Variants in HEG1 observed in about 807,000 individuals in gnomAD.
The protein encoded by HEG1 is heart development protein with EGF like domains 1.
HEG1 carries 56 observed loss-of-function variants against 125.6 expected under a neutral mutation model. The ratio of observed to expected loss-of-function variants is 0.45; its 90% CI spans 0.36 to 0.56. The LOEUF (loss-of-function observed/expected upper bound fraction) is 0.56, where lower values mean the gene tolerates loss of function less well. HEG1 is among the 20% of genes least tolerant of loss of function. The pLI is 0.00. For missense variants in HEG1, 1,523 were observed against 1,670.0 expected (o/e 0.91, Z 1.53); for synonymous variants, 644 against 668.5 (o/e 0.96, Z 0.57).
At chr3:124,970,840 A>G in intron 16 of HEG1, 39 bp from the exon 17 acceptor site, 1 of 1,561,776 alleles carries the variant, frequency 6.4e-7, no homozygotes, top group Non-Finnish European at 8.7e-7. Context: ...TCAATTTATC[A>G]TTCTTGGGTT....
intron 12 of HEG1, among the ~76,000 whole-genome samples, chr3:124,993,451 C>T (rs980206488): frequency 1.2e-4 from 18 of 152,212 alleles, no homozygotes; most frequent in African/African-American, 2.4e-5. Flanking sequence ...GTGGGGCCTT[C>T]TCTAAGGAGG....
At chr3:125,053,405 G>A (rs1937858375) in intron 1 of HEG1, among the ~76,000 whole-genome samples, 1 of 151,856 alleles carries the variant, frequency 6.6e-6, no homozygotes, top group African/African-American at 2.4e-5. Context: ...GCCACTACCA[G>A]AAAAAAAAGC....
Position 125,011,659 on chromosome 3 carries a change from G to C in HEG1, c.2956+964C>G, listed in dbSNP as rs551193813. Among the ~76,000 whole-genome samples, 8 of 152,228 alleles carry C rather than the reference G, an allele frequency of 5.3e-5. No individual in the cohort carries two copies. The South Asian group carries it at 1.5e-3, about 28-fold the overall frequency. ...CTTGGCATGGGGGTGGTTTGCTTAT[G>C]AGCCTCCAGCCCAGGTTGATTGTGG... On this transcript the variant is annotated intron_variant, in intron 6 of 16. Transcript: ENST00000311127.
At chr3:125,032,061 A>G (rs1937508592) in intron 1 of HEG1, among the ~76,000 whole-genome samples, 1 of 152,246 alleles carries the variant, frequency 6.6e-6, no homozygotes. Context: ...GATATTTTAT[A>G]TTCTTTTTTT....
chr3:124,982,819 T>C (rs1429444293), intron 14 of HEG1, among the ~76,000 whole-genome samples: 1 of 152,208 alleles, frequency 6.6e-6, no homozygotes, highest in Admixed American at 6.5e-5. Context: ...TGGCTGGTCC[T>C]GGAACAAACC....
intron 1 of HEG1, among the ~76,000 whole-genome samples, chr3:125,054,508 G>T (rs1937886750): frequency 6.6e-6 from 1 of 152,200 alleles, no homozygotes; most frequent in Non-Finnish European, 1.5e-5. Flanking sequence ...GTCTGCATGA[G>T]ATGAGAAACT....
chr3:125,051,087 A>G (rs909233735), intron 1 of HEG1, among the ~76,000 whole-genome samples: 2 of 152,234 alleles, frequency 1.3e-5, no homozygotes, highest in Non-Finnish European at 2.9e-5. Context: ...AGCTTGGCTT[A>G]TAATTAATGC....
In HEG1 at chr3:125,012,795, G is replaced by A. The variant is rs765927603; in HGVS notation, c.2784C>T (p.Thr928=). Residue 928 remains threonine (T), a synonymous_variant, in exon 6 of 17, where the codon ACC becomes ACT. Coordinates refer to ENST00000311127, the MANE Select transcript of HEG1 (RefSeq NM_020733.2). ...ACTCTGCTGTAACGCCAAGCTTTGT[G>A]GTCATTTCTTTTGCTGATGTGGGTA... ...TSVPTSAKEM[T]TKLGVTAEYS... 9 of 1,613,898 alleles carry A rather than the reference G, an allele frequency of 5.6e-6. No individual in the cohort carries two copies. The African/African-American group carries it at 1.1e-4, about 19-fold the overall frequency.
At chr3:124,999,853 T>C (rs1246356815) in intron 11 of HEG1, among the ~76,000 whole-genome samples, 2 of 152,196 alleles carry the variant, frequency 1.3e-5, no homozygotes, top group Non-Finnish European at 2.9e-5. Context: ...AGACATTCCA[T>C]GGGGGATTTC....
intron 14 of HEG1, among the ~76,000 whole-genome samples, chr3:124,985,582 G>A (rs1319482374): frequency 6.6e-6 from 1 of 152,112 alleles, no homozygotes; most frequent in Non-Finnish European, 1.5e-5. Context: ...GAATTCTGGG[G>A]CCATCTGGCA....
At chr3:125,022,685 A>AAC (rs1937352578) in intron 3 of HEG1, among the ~76,000 whole-genome samples, 2 of 103,854 alleles carry the variant, frequency 1.9e-5, no homozygotes, top group African/African-American at 6.8e-5. Context: ...CTTCAGTATT[A>AAC]AAAAAAAAAA....
chr3:125,045,607 C>T (rs561371196), intron 1 of HEG1, among the ~76,000 whole-genome samples: 1 of 152,340 alleles, frequency 6.6e-6, no homozygotes, highest in African/African-American at 2.4e-5. Flanking sequence ...AGACGAACAA[C>T]TGAAAAGGCT....
chr3:124,997,162 T>C (rs879905630), intron 12 of HEG1, among the ~76,000 whole-genome samples: 2 of 152,126 alleles, frequency 1.3e-5, no homozygotes, highest in African/African-American at 2.4e-5. Context: ...TCCTTAACTC[T>C]TAGAATAAAT....
intron 1 of HEG1, among the ~76,000 whole-genome samples, chr3:125,051,390 T>C (rs111668272): frequency 3.8e-4 from 58 of 152,316 alleles, no homozygotes; most frequent in African/African-American, 1.4e-3. Flanking sequence ...GGACAACTGG[T>C]ACCCCATTTT....
intron 1 of HEG1, among the ~76,000 whole-genome samples, chr3:125,044,729 G>A (rs1420286484): frequency 6.6e-6 from 1 of 152,116 alleles, no homozygotes; most frequent in Non-Finnish European, 1.5e-5. Context: ...ATAAGAAAGG[G>A]CAAAACTAAG....
chr3:124,977,802 A>C (rs748228218), intron 15 of HEG1, 57 bp downstream of exon 15: 2 of 1,098,054 alleles, frequency 1.8e-6, no homozygotes, highest in Non-Finnish European at 1.4e-6. Context: ...ATACAAACTG[A>C]CCCTTGTATA....
chr3:124,988,037 T>C (rs1420948653), intron 14 of HEG1, among the ~76,000 whole-genome samples: 2 of 150,610 alleles, frequency 1.3e-5, no homozygotes, highest in African/African-American at 4.9e-5. Context: ...AATTTCTGTC[T>C]GATTATTCAG....
chr3:124,997,555 A>G, intron 12 of HEG1, 134 bp downstream of exon 12: 1 of 781,058 alleles, frequency 1.3e-6, no homozygotes, highest in Non-Finnish European at 1.8e-6. Context: ...CACGAGCAAA[A>G]TAACAAGAAC....
At chr3:125,043,825 G>A (rs112623644) in intron 1 of HEG1, among the ~76,000 whole-genome samples, 6 of 152,026 alleles carry the variant, frequency 3.9e-5, no homozygotes, top group African/African-American at 9.6e-5. Context: ...CCAGGTTAGC[G>A]AAACAATAAA....
Sources: gnomAD v4.1 joint callset for allele counts (sites outside exome capture counted in the v4.1 genomes callset) on GRCh38, gnomAD v4.1.1 for gene constraint, MANE v1.5 for transcripts, NCBI Gene and HGNC (gene_info 2026-07-23, HGNC 2026-07-21) for gene names.